The following SNX8 variants were observed in gnomAD, a reference collection of about 807,000 sequenced individuals.
SNX8 encodes the protein sorting nexin 8.
A neutral mutation model predicts 51.6 loss-of-function variants in SNX8; 25 were observed. That is an observed-to-expected ratio of 0.48 (90% CI 0.35 to 0.68). SNX8 has a LOEUF of 0.68. Ranked by LOEUF, SNX8 falls within the 30% of genes least tolerant of loss-of-function variation. The pLI, the probability that SNX8 is intolerant of heterozygous loss-of-function variation, is 0.00. For missense variants in SNX8, 695 were observed against 624.0 expected, an observed-to-expected ratio of 1.11 and a Z score of -1.21; for synonymous variants, 324 against 277.0, an observed-to-expected ratio of 1.17 and a Z score of -1.68.
intron 1 of SNX8, among the ~76,000 whole-genome samples, chr7:2,332,760 AAGG>A (rs1778759679): frequency 1.3e-5 from 2 of 149,644 alleles, no homozygotes; most frequent in African/African-American, 4.9e-5. Context: ...GGAAGGAAGG[AAGG>A]AAGGAAGGAG....
chr7:2,286,072 C>T (rs763992454), intron 1 of SNX8, among the ~76,000 whole-genome samples: 57 of 150,288 alleles, frequency 3.8e-4, no homozygotes, highest in Non-Finnish European at 6.0e-4. Flanking sequence ...AATGCTGTGG[C>T]GCTATCTCGG....
chr7:2,283,321 C>T (rs933416606), intron 1 of SNX8, among the ~76,000 whole-genome samples: 15 of 152,178 alleles, frequency 9.9e-5, no homozygotes, highest in Admixed American at 2.6e-4. Context: ...AGGCCAAGCC[C>T]GCCCCGGACT....
At position 2,314,372 on chromosome 7, in the gene SNX8, G is replaced by A; in HGVS notation, c.50C>T (p.Ala17Val). ...CTCCTCGTCAGCCTCCGCCTCAGCTGCCGCCCCGACTGCAGCCGCGGGCAG... is the reference window on the plus strand; with the variant it reads ...CTCCTCGTCAGCCTCCGCCTCAGCTACCGCCCCGACTGCAGCCGCGGGCAG... Reference protein sequence around the residue: ...DPLPAAAVGAAAEAEADEEAD... With the variant: ...DPLPAAAVGAVAEAEADEEAD... Residue 17 changes from alanine (A) to valine (V), a missense_variant, in exon 1 of 11, where the codon GCA (alanine) becomes GTA (valine). Physicochemically the swap from Ala to Val is moderately conservative, Grantham distance 64 (BLOSUM62 0). Transcript: ENST00000222990. 4.9e-6 allele frequency: 6 copies of A among 1,223,296 alleles called. No homozygotes were observed. Among genetic ancestry groups the A allele is most frequent in the African/African-American group, 1.6e-5 (1 of 64,060 alleles). 75.8% of individuals were successfully genotyped at this position (1,223,296 alleles called of 1,614,324 possible).
intron 2 of SNX8, among the ~76,000 whole-genome samples, chr7:2,275,923 G>A (rs948914298): frequency 2.0e-5 from 3 of 151,692 alleles, no homozygotes; most frequent in Admixed American, 6.6e-5. Flanking sequence ...GCGTGAACCC[G>A]GGAGGCAGAG....
chr7:2,323,413 A>C (rs1035314468), intron 1 of SNX8, among the ~76,000 whole-genome samples: 1 of 152,082 alleles, frequency 6.6e-6, no homozygotes, highest in African/African-American at 2.4e-5. Flanking sequence ...TAGAAATACT[A>C]ATAATGGCTA....
chr7:2,339,632 A>T (rs1778887308), intron 1 of SNX8, among the ~76,000 whole-genome samples: 1 of 152,080 alleles, frequency 6.6e-6, no homozygotes, highest in African/African-American at 2.4e-5. Context: ...TTTTTTTTGA[A>T]ATCTCATCAG....
Position 2,283,339 on chromosome 7 carries a change from A to C in SNX8, c.95-5034T>G, listed in dbSNP as rs371609633. Among the ~76,000 whole-genome samples, 693 of 152,218 alleles carry C rather than the reference A, an allele frequency of 4.6e-3. 3 individuals are homozygous for C. The highest frequency in any genetic ancestry group is 0.016 in the African/African-American group (672 of 41,558). On this transcript the variant is annotated intron_variant, in intron 1 of 10. Transcript: ENST00000222990. ...CCAAGCCCGCCCCGGACTGGCCCGC[A>C]CACTACTTCCTGCTGACCCAGCGTG...
intron 1 of SNX8, among the ~76,000 whole-genome samples, chr7:2,313,323 C>A (rs1417338358): frequency 6.6e-6 from 1 of 151,488 alleles, no homozygotes. Flanking sequence ...GTCAGGAGTT[C>A]GAGACCAGCC....
chr7:2,278,656 T>A, intron 1 of SNX8, among the ~76,000 whole-genome samples: 1 of 111,462 alleles, frequency 9.0e-6, no homozygotes, highest in African/African-American at 3.8e-5. Context: ...GGACTCACAC[T>A]ACGGAGTCGA....
intron 5 of SNX8, among the ~76,000 whole-genome samples, chr7:2,268,320 A>C: frequency 7.2e-6 from 1 of 139,770 alleles, no homozygotes; most frequent in East Asian, 2.4e-4. Context: ...ACCCCGTCTG[A>C]GAAGTGAGGA....
At position 2,257,444 on chromosome 7, in the gene SNX8, A is replaced by G. The variant is rs1296834304; in HGVS notation, c.1055T>C (p.Met352Thr). The G allele has an allele frequency of 2.5e-6, 4 of 1,610,292 alleles. No homozygotes were observed. The highest frequency in any genetic ancestry group is 1.1e-5 in the South Asian group (1 of 90,712). Residue 352 changes from methionine to threonine, a missense_variant, in exon 9 of 11, where the codon ATG becomes ACG. Transcript: ENST00000222990. ...HQRALHKYSL[M>T]KRQMMSATAQ... ...GGTGGCGCTCATCATCTGCCTCTTC[A>G]TCAGGCTGTACTTGTGCAGGGCCCG...
At chr7:2,261,663 A>G (rs181430916) in intron 7 of SNX8, among the ~76,000 whole-genome samples, 12 of 152,296 alleles carry the variant, frequency 7.9e-5, no homozygotes, top group African/African-American at 2.9e-4. Flanking sequence ...ACAGACCTGG[A>G]GACAGAAGAG....
intron 7 of SNX8, among the ~76,000 whole-genome samples, chr7:2,258,880 A>T (rs1312751275): frequency 6.6e-6 from 1 of 152,242 alleles, no homozygotes; most frequent in East Asian, 1.9e-4. Context: ...CTGGAGTGGA[A>T]CAGGGGCCCC....
intron 4 of SNX8, among the ~76,000 whole-genome samples, chr7:2,270,583 A>G (rs963195545): frequency 1.1e-4 from 17 of 151,824 alleles, no homozygotes; most frequent in Admixed American, 5.3e-4. Flanking sequence ...GACCCACTGC[A>G]CCCCTGCCCA....
At chr7:2,311,719 C>T (rs1227004387) in intron 1 of SNX8, among the ~76,000 whole-genome samples, 5 of 151,992 alleles carry the variant, frequency 3.3e-5, no homozygotes, top group African/African-American at 7.2e-5. Flanking sequence ...GGCTAGATCA[C>T]GAGGTCAGGA....
At chr7:2,270,737 G>A (rs763475658) in intron 4 of SNX8, among the ~76,000 whole-genome samples, 6 of 152,180 alleles carry the variant, frequency 3.9e-5, no homozygotes, top group Non-Finnish European at 5.9e-5. Context: ...CAGGCACAGG[G>A]GGAAGGCCCC....
At chr7:2,309,577 CA>C (rs1008668790) in intron 1 of SNX8, among the ~76,000 whole-genome samples, 13 of 151,052 alleles carry the variant, frequency 8.6e-5, no homozygotes, top group African/African-American at 3.2e-4. Flanking sequence ...ACTGAAAATA[CA>C]AAATTAGCCA....
At chr7:2,326,995 G>A (rs1778633077) in intron 1 of SNX8, among the ~76,000 whole-genome samples, 1 of 152,134 alleles carries the variant, frequency 6.6e-6, no homozygotes, top group African/African-American at 2.4e-5. Flanking sequence ...TTGGTGGCTT[G>A]AAACAACAGA....
At chr7:2,342,833 ATTTT>A (rs1262846648) in intron 1 of SNX8, among the ~76,000 whole-genome samples, 1 of 150,726 alleles carries the variant, frequency 6.6e-6, no homozygotes, top group Non-Finnish European at 1.5e-5. Flanking sequence ...TTTATTTTTT[ATTTT>A]TTTGAGACGG....
Sources: gnomAD v4.1 joint callset for allele counts (sites outside exome capture counted in the v4.1 genomes callset) on GRCh38, gnomAD v4.1.1 for gene constraint, MANE v1.5 for transcripts, NCBI Gene and HGNC (gene_info 2026-07-23, HGNC 2026-07-21) for gene names.